PPP2R5A: variants seen among roughly 807,000 people sequenced by gnomAD.
PPP2R5A encodes serine/threonine-protein phosphatase 2A 56 kDa regulatory subunit alpha isoform.
PPP2R5A carries 25 observed loss-of-function variants against 64.2 expected under a neutral mutation model. That is an observed-to-expected ratio of 0.39 (90% CI 0.28 to 0.54). PPP2R5A has a LOEUF of 0.54. Ranked by LOEUF, PPP2R5A falls within the 20% of genes least tolerant of loss-of-function variation. The pLI, the probability that PPP2R5A is intolerant of heterozygous loss-of-function variation, is 0.67. For missense variants in PPP2R5A, 425 were observed against 576.3 expected, an observed-to-expected ratio of 0.74 and a Z score of 2.69; for synonymous variants, 198 against 201.2, an observed-to-expected ratio of 0.98 and a Z score of 0.13.
At chr1:212,292,394 G>T (rs964257907) in intron 1 of PPP2R5A, among the ~76,000 whole-genome samples, 2 of 152,144 alleles carry the variant, frequency 1.3e-5, no homozygotes, top group African/African-American at 4.8e-5. Flanking sequence ...TTCAAATCCT[G>T]TTATGGTACC....
chr1:212,333,730 T>C, intron 3 of PPP2R5A, 132 bp downstream of exon 3: 1 of 489,938 alleles, frequency 2.0e-6, no homozygotes, highest in Non-Finnish European at 3.6e-6. Context: ...ATTATCTTCT[T>C]TCATGCAAGT....
intron 1 of PPP2R5A, among the ~76,000 whole-genome samples, chr1:212,304,010 G>T (rs1447897446): frequency 6.6e-6 from 1 of 151,714 alleles, no homozygotes; most frequent in Admixed American, 6.6e-5. Context: ...GCTGTTATTG[G>T]GTTATTTATA....
At chr1:212,322,214 ACT>A (rs1659314273) in intron 1 of PPP2R5A, among the ~76,000 whole-genome samples, 1 of 100,612 alleles carries the variant, frequency 9.9e-6, no homozygotes. Context: ...GGAGAGGGAG[ACT>A]GTGGGGAGAG....
chr1:212,316,685 A>T (rs1659161627), intron 1 of PPP2R5A, among the ~76,000 whole-genome samples: 2 of 136,874 alleles, frequency 1.5e-5, no homozygotes, highest in African/African-American at 5.5e-5. Context: ...TCCCTTTGGG[A>T]TCATGTATTT....
chr1:212,336,760 A>C (rs934200622), intron 3 of PPP2R5A, among the ~76,000 whole-genome samples: 1 of 152,196 alleles, frequency 6.6e-6, no homozygotes, highest in African/African-American at 2.4e-5. Flanking sequence ...CACTGAAGAA[A>C]TTTGCTCAAT....
At chr1:212,317,020 C>T (rs533117620) in intron 1 of PPP2R5A, among the ~76,000 whole-genome samples, 4 of 152,290 alleles carry the variant, frequency 2.6e-5, no homozygotes, top group Non-Finnish European at 4.4e-5. Flanking sequence ...TGTCTTAATC[C>T]TTTCCACTGT....
Position 212,286,429 on chromosome 1 carries a change from C to T in PPP2R5A, c.181+138C>T, listed in dbSNP as rs995763649. On this transcript the variant is annotated intron_variant, in intron 1 of 12. Transcript: ENST00000261461. The stretch of plus-strand genomic sequence containing the variant: ...TGTGTGAGCCGAGTTCCCCACAATG[C>T]CTTGGCGTCACCTCACGCCCTCCTC... 13 of 964,902 alleles carry T rather than the reference C, an allele frequency of 1.3e-5. No individual in the cohort carries two copies. In the African/African-American group the frequency reaches 1.9e-4, roughly 14 times the overall value. 59.8% of individuals were successfully genotyped at this position (964,902 alleles called of 1,614,324 possible).
intron 3 of PPP2R5A, among the ~76,000 whole-genome samples, chr1:212,335,576 A>C (rs1476732052): frequency 6.6e-6 from 1 of 152,104 alleles, no homozygotes; most frequent in African/African-American, 2.4e-5. Flanking sequence ...TAATTTATTC[A>C]TTCTGTGTAG....
In PPP2R5A at chr1:212,354,154, A is replaced by G. The variant is rs546000468; in HGVS notation, c.928-2472A>G. 7.2e-5 allele frequency among the ~76,000 whole-genome samples: 11 copies of G among 152,314 alleles called. No individual in the cohort carries two copies. The South Asian group carries it at 1.5e-3, about 20-fold the overall frequency. ...AGCCGAGATCGTGCCACTGCACTCC[A>G]GCCTGGGTGACAGAGCGAGACTCTG... On this transcript the variant is annotated intron_variant, in intron 8 of 12. Transcript: ENST00000261461.
intron 3 of PPP2R5A, among the ~76,000 whole-genome samples, chr1:212,336,018 T>G (rs1659588171): frequency 6.6e-6 from 1 of 152,224 alleles, no homozygotes; most frequent in South Asian, 2.1e-4. Flanking sequence ...TTTTAACTGG[T>G]ATGATTTGAG....
At chr1:212,358,483 G>T (rs142408876) in intron 11 of PPP2R5A, 13 of 354,036 alleles carry the variant, frequency 3.7e-5, no homozygotes, top group African/African-American at 1.5e-4. Context: ...AAATGGAAAA[G>T]ATTTAAGTTT....
intron 1 of PPP2R5A, among the ~76,000 whole-genome samples, chr1:212,300,542 A>G (rs1445619047): frequency 1.3e-5 from 2 of 152,218 alleles, no homozygotes; most frequent in Non-Finnish European, 2.9e-5. Flanking sequence ...ATTCCCACCC[A>G]GAGGAAATCT....
rs1361181767 is a variant in PPP2R5A at position 212,299,056 on chromosome 1, C to G, written c.181+12765C>G. ...GGGGCGGCTGGCCGACACCCCCCCC[C>G]CCCGCCTCCCTCCCGGACGGGGCGG... is the stretch of plus-strand genomic sequence containing the variant. On this transcript the variant is annotated intron_variant, in intron 1 of 12. Coordinates refer to ENST00000261461, the MANE Select transcript of PPP2R5A (RefSeq NM_006243.4). Among the ~76,000 whole-genome samples the G allele has an allele frequency of 1.2e-4, 3 of 25,782 alleles. 1 individual carries two copies. The highest frequency in any genetic ancestry group is 5.5e-4 in the African/African-American group (1 of 1,814). 16.9% of individuals were successfully genotyped at this position (25,782 alleles called of 152,430 possible).
intron 2 of PPP2R5A, among the ~76,000 whole-genome samples, chr1:212,330,281 C>CA (rs1659480822): frequency 6.6e-6 from 1 of 152,080 alleles, no homozygotes; most frequent in African/African-American, 2.4e-5. Flanking sequence ...TAAACCCCAG[C>CA]ACTTTGGGAG....
At chr1:212,324,540 TATCTC>T (rs1035928927) in intron 1 of PPP2R5A, among the ~76,000 whole-genome samples, 33 of 152,222 alleles carry the variant, frequency 2.2e-4, no homozygotes, top group African/African-American at 7.7e-4. Flanking sequence ...TCATGATTGT[TATCTC>T]AATCCATTTA....
At chr1:212,307,454 T>G (rs1658940300) in intron 1 of PPP2R5A, among the ~76,000 whole-genome samples, 1 of 152,172 alleles carries the variant, frequency 6.6e-6, no homozygotes, top group African/African-American at 2.4e-5. Context: ...CGAGAATATA[T>G]TGTTATAATT....
chr1:212,334,325 T>G (rs1659555534), intron 3 of PPP2R5A, among the ~76,000 whole-genome samples: 1 of 152,152 alleles, frequency 6.6e-6, no homozygotes, highest in Non-Finnish European at 1.5e-5. Context: ...GGTCTGGTTC[T>G]GTCACCCAGG....
rs1558135616 is a variant in PPP2R5A, at chr1:212,286,099, AG to A, written c.-9del. ...GCAGCAGCCGGAGCTGCCAAGCGTC[AG>A]GGCCGCGGAGATGTCGTCGTCGTCG... On this transcript the variant is annotated 5_prime_UTR_variant, in exon 1 of 13. Transcript: ENST00000261461. 2 of 1,551,118 alleles carry A rather than the reference AG, an allele frequency of 1.3e-6. No homozygotes were observed. The highest frequency in any genetic ancestry group is 2.4e-5 in the South Asian group (2 of 84,880).
At chr1:212,321,924 G>A (rs954431434) in intron 1 of PPP2R5A, among the ~76,000 whole-genome samples, 6 of 151,860 alleles carry the variant, frequency 4.0e-5, no homozygotes, top group Admixed American at 2.6e-4. Context: ...ACGCGACTCC[G>A]TCTGCCATCC....
Sources: allele counts gnomAD v4.1 joint callset (sites outside exome capture counted in the v4.1 genomes callset), GRCh38; gene constraint gnomAD v4.1.1; transcripts MANE v1.5; gene names NCBI Gene and HGNC (gene_info 2026-07-23, HGNC 2026-07-21).